Variants in SMARCA2 observed in about 807,000 individuals in gnomAD.
SMARCA2 encodes the protein SWI/SNF-related matrix-associated actin-dependent regulator of chromatin subfamily A member 2.
SMARCA2 carries 61 observed loss-of-function variants against 199.8 expected under a neutral mutation model. That is an observed-to-expected ratio of 0.31 (90% confidence interval 0.25 to 0.38). SMARCA2 has a LOEUF of 0.38. Ranked by LOEUF, SMARCA2 falls within the 10% of genes least tolerant of loss-of-function variation. SMARCA2 has a pLI of 1.00. For synonymous variants in SMARCA2, 935 were observed against 732.0 expected (o/e 1.28, Z -4.48); for missense variants, 1,344 against 2,012.2 (o/e 0.67, Z 6.35).
chr9:2,031,088 G>GT (rs147379902), intron 2 of SMARCA2, among the ~76,000 whole-genome samples: 4,263 of 150,692 alleles, frequency 0.028, 208 homozygotes, highest in African/African-American at 0.098. Flanking sequence ...ATATATTGGT[G>GT]TTTTTTTTTG....
intron 1 of SMARCA2, among the ~76,000 whole-genome samples, chr9:2,021,133 T>A (rs1018728819): frequency 1.3e-5 from 2 of 152,234 alleles, no homozygotes; most frequent in Non-Finnish European, 2.9e-5. Flanking sequence ...CTTATGCCAG[T>A]ATGTCATCTA....
chr9:2,146,133 G>A (rs939971708), intron 27 of SMARCA2, among the ~76,000 whole-genome samples: 1 of 152,234 alleles, frequency 6.6e-6, no homozygotes, highest in Non-Finnish European at 1.5e-5. Context: ...CAAGGCACCA[G>A]CAGATTCCAT....
rs1045559146 is a variant in SMARCA2 at position 2,032,702 on chromosome 9, G to C, written c.226-250G>C. The C allele has an allele frequency of 2.3e-5, 8 of 345,220 alleles. No homozygotes were observed. The South Asian group carries it at 2.5e-4, about 11-fold the overall frequency. The allele number at this position is 345,220 out of a possible 1,614,324, so 21.4% of individuals were successfully genotyped here. ...GACCAGGACTTCATTTTCATTGCCTGTTCTGATATTACAAAAAACAAACAA... is the reference window on the plus strand; with the variant it reads ...GACCAGGACTTCATTTTCATTGCCTCTTCTGATATTACAAAAAACAAACAA... On this transcript the variant is annotated intron_variant, in intron 2 of 33. Coordinates refer to ENST00000349721, the MANE Select transcript of SMARCA2 (RefSeq NM_003070.5).
chr9:2,023,804 A>G (rs1818706726), intron 1 of SMARCA2, among the ~76,000 whole-genome samples: 1 of 152,196 alleles, frequency 6.6e-6, no homozygotes, highest in Non-Finnish European at 1.5e-5. Flanking sequence ...TGAATTATCA[A>G]TTCATTTACA....
chr9:2,127,461 G>A (rs1352490104), intron 27 of SMARCA2, among the ~76,000 whole-genome samples: 2 of 152,172 alleles, frequency 1.3e-5, no homozygotes, highest in African/African-American at 4.8e-5. Context: ...AAAGTCCATG[G>A]TAGGTATACC....
chr9:2,052,282 T>G (rs932263920), intron 5 of SMARCA2, among the ~76,000 whole-genome samples: 4 of 152,230 alleles, frequency 2.6e-5, no homozygotes, highest in Non-Finnish European at 5.9e-5. Context: ...GAGACCAGCC[T>G]GGCCAACATG....
chr9:2,160,640 G>A (rs1259576571), intron 27 of SMARCA2: 7 of 700,844 alleles, frequency 1.0e-5, no homozygotes, highest in Non-Finnish European at 1.6e-5. Context: ...TATGATTAGA[G>A]CTCTTTCAGC....
intron 10 of SMARCA2, among the ~76,000 whole-genome samples, chr9:2,071,490 C>G (rs1178594565): frequency 6.6e-6 from 1 of 152,194 alleles, no homozygotes; most frequent in Non-Finnish European, 1.5e-5. Context: ...AACAAGCACA[C>G]AGGGAGAGAT....
Position 2,188,391 on chromosome 9 carries a change from G to A in SMARCA2, c.4594+2163G>A, listed in dbSNP as rs10119482. ...ATTCTTGCCCTCAACATACATAAGCGACTCTTTCCCAACGTCATTTTCTAT... is the reference window on the plus strand; with the variant it reads ...ATTCTTGCCCTCAACATACATAAGCAACTCTTTCCCAACGTCATTTTCTAT... On this transcript the variant is annotated intron_variant, in intron 32 of 33. Transcript: ENST00000349721. Among the ~76,000 whole-genome samples, 1,447 of 151,846 alleles carry A rather than the reference G, an allele frequency of 9.5e-3. 29 individuals carry two copies. Among genetic ancestry groups the A allele is most frequent in the African/African-American group, 0.033 (1,365 of 41,438 alleles).
rs770139961 is a variant in SMARCA2, at chr9:2,161,946, C to T, written c.4199+43C>T. ...TCACCTTGATCATCTCTCACCAAGA[C>T]GCCGAGTGGCGCTCCCTGAGGAGCA... On this transcript the variant is annotated intron_variant, in intron 28 of 33. Coordinates refer to ENST00000349721, the MANE Select transcript of SMARCA2 (RefSeq NM_003070.5). The surrounding 1 kb of genome is among the most constrained non-coding windows in gnomAD (Gnocchi z 4.7). 1.7e-5 allele frequency: 26 copies of T among 1,502,034 alleles called. No individual in the cohort carries two copies. Among genetic ancestry groups the T allele is most frequent in the East Asian group, 9.1e-5 (4 of 44,130 alleles). 93.0% of individuals were successfully genotyped at this position (1,502,034 alleles called of 1,614,324 possible). A position where few individuals can be genotyped will look rare whatever the true frequency, so the allele number is the denominator to read the frequency against.
Position 2,170,347 on chromosome 9 carries a change from T to A in SMARCA2, c.4200-72T>A. ...TGAGGCTTGGCCAGGTCACCCAGCC[T>A]AGGAAGAAGGAGCCGGGCGGGGACG... On this transcript the variant is annotated intron_variant, in intron 28 of 33. Coordinates refer to ENST00000349721, the MANE Select transcript of SMARCA2 (RefSeq NM_003070.5). This position sits in a 1 kb window ranked among gnomAD's most constrained non-coding sequence, Gnocchi z 4.7. The A allele has an allele frequency of 6.2e-7, 1 of 1,602,068 alleles. No individual in the cohort carries two copies. Among genetic ancestry groups the A allele is most frequent in the South Asian group, 1.1e-5 (1 of 89,636 alleles).
intron 4 of SMARCA2, chr9:2,041,745 A>C (rs1162466286): frequency 8.9e-6 from 2 of 224,968 alleles, no homozygotes; most frequent in Non-Finnish European, 1.7e-5. Flanking sequence ...GTTATACAAG[A>C]AACTATGCAG....
At chr9:2,079,250 T>C (rs7035071) in intron 14 of SMARCA2, among the ~76,000 whole-genome samples, 26,167 of 152,160 alleles carry the variant, frequency 0.17, 2,384 homozygotes, top group Admixed American at 0.19. Context: ...ATCACTTCTT[T>C]AACATTGTTT....
intron 27 of SMARCA2, among the ~76,000 whole-genome samples, chr9:2,154,121 G>A (rs764698917): frequency 2.6e-5 from 4 of 152,156 alleles, no homozygotes; most frequent in Non-Finnish European, 5.9e-5. Context: ...ATATCTCTCT[G>A]TGCCTCAGTT....
chr9:2,107,525 C>T (rs1332021632), intron 23 of SMARCA2, among the ~76,000 whole-genome samples: 1 of 152,016 alleles, frequency 6.6e-6, no homozygotes, highest in Non-Finnish European at 1.5e-5. Context: ...ACCATGTTGG[C>T]CAGGGTGATC....
chr9:2,039,335 T>A lies in SMARCA2; in HGVS notation c.356-131T>A, dbSNP rs756098519. On this transcript the variant is annotated intron_variant, in intron 3 of 33. Coordinates refer to ENST00000349721, the MANE Select transcript of SMARCA2 (RefSeq NM_003070.5). The surrounding 1 kb of genome is among the most constrained non-coding windows in gnomAD (Gnocchi z 4.8). The stretch of plus-strand genomic sequence containing the variant: ...TGTAAAGATCTTAAACTCCATATAA[T>A]TAATAAATGATATGTCATTCAAATT... The A allele has an allele frequency of 1.3e-4, 104 of 791,946 alleles. No homozygotes were observed. Among genetic ancestry groups the A allele is most frequent in the Admixed American group, 5.9e-4 (20 of 33,808 alleles). 49.1% of individuals were successfully genotyped at this position (791,946 alleles called of 1,614,324 possible).
chr9:2,096,531 G>A (rs541932052), intron 19 of SMARCA2, 126 bp from the exon 20 acceptor site: 13 of 651,444 alleles, frequency 2.0e-5, no homozygotes, highest in Admixed American at 7.2e-5. Flanking sequence ...CCCGCACTCC[G>A]TGAATCCAAG....
At chr9:2,070,142 G>A (rs369538743) in intron 9 of SMARCA2, among the ~76,000 whole-genome samples, 5 of 152,194 alleles carry the variant, frequency 3.3e-5, no homozygotes, top group African/African-American at 1.2e-4. Flanking sequence ...ATACTGCCCT[G>A]TCTTAAGCTC....
chr9:2,115,485 A>C lies in SMARCA2; in HGVS notation c.3457-337A>C, dbSNP rs1823178948. Among the ~76,000 whole-genome samples, 1 of 152,228 alleles carries C rather than the reference A, an allele frequency of 6.6e-6. No homozygotes were observed. Among genetic ancestry groups the C allele is most frequent in the Non-Finnish European group, 1.5e-5 (1 of 68,036 alleles). On this transcript the variant is annotated intron_variant, in intron 24 of 33. Transcript: ENST00000349721. This position sits in a 1 kb window ranked among gnomAD's most constrained non-coding sequence, Gnocchi z 6.0. Reference sequence around the variant, plus strand: ...TAGTTGTAGGTGTTATGTAAGTCATAATTCTGACATTGGACATTGGTGTCT... The same window carrying C: ...TAGTTGTAGGTGTTATGTAAGTCATCATTCTGACATTGGACATTGGTGTCT...
Sources: allele counts gnomAD v4.1 joint callset (sites outside exome capture counted in the v4.1 genomes callset), GRCh38; gene constraint gnomAD v4.1.1; non-coding constraint Gnocchi (gnomAD v3.1); transcripts MANE v1.5; gene names NCBI Gene and HGNC (gene_info 2026-07-23, HGNC 2026-07-21).